NRXN1: variants seen among roughly 807,000 people sequenced by gnomAD.
The protein encoded by NRXN1 is neurexin 1, also known as neurexin-1.
A neutral mutation model predicts 150.9 loss-of-function variants in NRXN1; 39 were observed. That is an observed-to-expected ratio of 0.26 (90% CI 0.20 to 0.34). The LOEUF is 0.34. NRXN1 is among the 10% of genes least tolerant of loss of function. The pLI is 1.00. For missense variants in NRXN1, 1,815 were observed against 1,949.9 expected (o/e 0.93, Z 1.30); for synonymous variants, 924 against 757.0 (o/e 1.22, Z -3.62).
At chr2:50,769,443 T>C (rs1032476294) in intron 5 of NRXN1, among the ~76,000 whole-genome samples, 1 of 152,120 alleles carries the variant, frequency 6.6e-6, no homozygotes, top group Non-Finnish European at 1.5e-5. Flanking sequence ...TTTTGATAAA[T>C]GTAAATAGAG....
At chr2:51,014,313 C>T (rs1274959298) in intron 2 of NRXN1, among the ~76,000 whole-genome samples, 1 of 151,996 alleles carries the variant, frequency 6.6e-6, no homozygotes, top group Non-Finnish European at 1.5e-5. Context: ...AGGATTGGAA[C>T]ATTTTTAGCT....
chr2:49,950,730 A>C (rs766832780), intron 21 of NRXN1, among the ~76,000 whole-genome samples: 2 of 151,934 alleles, frequency 1.3e-5, no homozygotes, highest in Non-Finnish European at 2.9e-5. Context: ...ATGCAGATGG[A>C]GGTACTGTTA....
chr2:50,553,568 C>T (rs970576386), intron 8 of NRXN1, among the ~76,000 whole-genome samples: 4 of 152,132 alleles, frequency 2.6e-5, no homozygotes, highest in African/African-American at 7.2e-5. Flanking sequence ...AAGCACAAAA[C>T]AGCCTGACAT....
chr2:50,599,903 A>G (rs539438885), intron 8 of NRXN1, among the ~76,000 whole-genome samples: 2 of 152,332 alleles, frequency 1.3e-5, no homozygotes, highest in East Asian at 3.9e-4. Flanking sequence ...TTTAATAACT[A>G]TAACCTAATT....
intron 21 of NRXN1, among the ~76,000 whole-genome samples, chr2:50,016,313 G>C (rs542554992): frequency 1.3e-5 from 2 of 152,190 alleles, no homozygotes; most frequent in South Asian, 4.1e-4. Flanking sequence ...GCCTTTCTTT[G>C]CGTTTAGTCA....
chr2:50,944,960 T>C (rs1222249624), intron 2 of NRXN1, among the ~76,000 whole-genome samples: 1 of 152,184 alleles, frequency 6.6e-6, no homozygotes, highest in Non-Finnish European at 1.5e-5. Context: ...ACTTCAGTGT[T>C]TTCTGCTAAC....
At chr2:50,515,420 C>T (rs537927813) in intron 12 of NRXN1, among the ~76,000 whole-genome samples, 1 of 152,272 alleles carries the variant, frequency 6.6e-6, no homozygotes, top group African/African-American at 2.4e-5. Flanking sequence ...CCTGAAATCA[C>T]TCCCGTCTGT....
chr2:50,584,917 T>A (rs1672846719), intron 8 of NRXN1, among the ~76,000 whole-genome samples: 1 of 152,166 alleles, frequency 6.6e-6, no homozygotes, highest in Admixed American at 6.5e-5. Context: ...AGATGAATAA[T>A]TCTGGGATGT....
At chr2:50,246,180 T>C (rs2066483651) in intron 17 of NRXN1, among the ~76,000 whole-genome samples, 2 of 151,994 alleles carry the variant, frequency 1.3e-5, no homozygotes, top group African/African-American at 4.8e-5. Flanking sequence ...ACATCCTCTC[T>C]AAGCAGCCAT....
chr2:49,988,464 C>G (rs556415728), intron 21 of NRXN1, among the ~76,000 whole-genome samples: 1 of 152,100 alleles, frequency 6.6e-6, no homozygotes, highest in East Asian at 1.9e-4. Flanking sequence ...AGCAGATATA[C>G]TAGTTGTCTT....
chr2:50,844,830 T>C (rs899113571), intron 5 of NRXN1, among the ~76,000 whole-genome samples: 2 of 151,336 alleles, frequency 1.3e-5, no homozygotes, highest in Non-Finnish European at 3.0e-5. Context: ...ATTCACTGCA[T>C]AGTGTGGTTT....
chr2:50,846,138 TAGTC>T (rs1406462640), intron 5 of NRXN1, among the ~76,000 whole-genome samples: 1 of 152,186 alleles, frequency 6.6e-6, no homozygotes, highest in East Asian at 1.9e-4. Flanking sequence ...TTCATTGATT[TAGTC>T]AGTAATTCCA....
Position 50,552,920 on chromosome 2 carries a change from C to T in NRXN1, c.1426G>A (p.Val476Ile), listed in dbSNP as rs763825271. The change falls in exon 9 of 23, where the codon GTT becomes ATT. Residue 476 changes from valine to isoleucine, a missense_variant. Around this residue, in one of 6 missense-constraint regions of NRXN1, gnomAD observed 638 missense variants for 652.6 expected, o/e 0.98. Coordinates refer to ENST00000401669, the MANE Select transcript of NRXN1 (RefSeq NM_001330078.2). ...HGVVAFKCENVATLDPITFET... is the reference protein window; with the variant it reads ...HGVVAFKCENIATLDPITFET... ...AAGGTGATTGGGTCTAAAGTTGCAA[C>T]ATTCTCACATTTAAATGCCACCACT... 2.5e-6 allele frequency: 4 copies of T among 1,613,902 alleles called. No individual in the cohort carries two copies. The highest frequency in any genetic ancestry group is 3.4e-6 in the Non-Finnish European group (4 of 1,179,792).
chr2:50,756,368 T>C (rs756173935), intron 5 of NRXN1, among the ~76,000 whole-genome samples: 1 of 151,616 alleles, frequency 6.6e-6, no homozygotes, highest in African/African-American at 2.4e-5. Flanking sequence ...GAAATTATGT[T>C]CATTCAGTAC....
At chr2:50,294,731 G>T (rs1396387979) in intron 17 of NRXN1, among the ~76,000 whole-genome samples, 1 of 152,126 alleles carries the variant, frequency 6.6e-6, no homozygotes, top group African/African-American at 2.4e-5. Context: ...GATCCATGTT[G>T]TTTGATGAGT....
At chr2:49,980,074 T>C (rs1440434424) in intron 21 of NRXN1, among the ~76,000 whole-genome samples, 1 of 152,058 alleles carries the variant, frequency 6.6e-6, no homozygotes, top group Non-Finnish European at 1.5e-5. Context: ...ATGTTAAAAA[T>C]AAAGAAATTG....
intron 17 of NRXN1, among the ~76,000 whole-genome samples, chr2:50,309,018 C>T (rs547841138): frequency 5.9e-5 from 9 of 152,146 alleles, no homozygotes; most frequent in Admixed American, 1.3e-4. Context: ...ATATTAGCTA[C>T]AAATTTAGGA....
intron 8 of NRXN1, among the ~76,000 whole-genome samples, chr2:50,561,995 G>C (rs1353235287): frequency 1.3e-5 from 2 of 152,144 alleles, no homozygotes; most frequent in Non-Finnish European, 2.9e-5. Flanking sequence ...ATGCATGTCT[G>C]CTTTATCCAA....
At chr2:50,846,747 T>C (rs906225149) in intron 5 of NRXN1, among the ~76,000 whole-genome samples, 1 of 152,190 alleles carries the variant, frequency 6.6e-6, no homozygotes, top group Non-Finnish European at 1.5e-5. Context: ...ATTCCCTCTC[T>C]AGGAGAGGAA....
Sources: gnomAD v4.1 joint callset for allele counts (sites outside exome capture counted in the v4.1 genomes callset) on GRCh38, gnomAD v4.1.1 for gene constraint, gnomAD v4.1.1 regional missense constraint, MANE v1.5 for transcripts, NCBI Gene and HGNC (gene_info 2026-07-23, HGNC 2026-07-21) for gene names.